The following NECTIN1 variants were observed in gnomAD, a reference collection of about 807,000 sequenced individuals.
NECTIN1 encodes the protein nectin-1.
In NECTIN1, 23 loss-of-function variants were observed where a neutral mutation model predicts 48.0. The observed-to-expected ratio is 0.48, with a 90% confidence interval of 0.34 to 0.68. NECTIN1 has a LOEUF of 0.68. Among genes scored for constraint, NECTIN1 ranks in the 30% least tolerant of loss-of-function variants. The pLI, the probability that NECTIN1 is intolerant of heterozygous loss-of-function variation, is 0.01. For synonymous variants in NECTIN1, 270 were observed against 288.9 expected (o/e 0.93, Z 0.66); for missense variants, 591 against 709.9 (o/e 0.83, Z 1.90).
At chr11:119,640,084 G>T in intron 5 of NECTIN1, 1 of 1,462,224 alleles carries the variant, frequency 6.8e-7, no homozygotes, top group Non-Finnish European at 9.4e-7. Context: ...AGAGATGTGA[G>T]AGAGTCAGAC....
At chr11:119,725,794 G>C (rs1474226783) in intron 1 of NECTIN1, among the ~76,000 whole-genome samples, 1 of 152,162 alleles carries the variant, frequency 6.6e-6, no homozygotes, top group Non-Finnish European at 1.5e-5. Flanking sequence ...TCTCTTTCCA[G>C]ACAAAAGGTG....
At chr11:119,681,972 G>A (rs935524477) in intron 1 of NECTIN1, among the ~76,000 whole-genome samples, 5 of 152,094 alleles carry the variant, frequency 3.3e-5, no homozygotes, top group African/African-American at 1.2e-4. Context: ...TTGGAGCAAG[G>A]GGCTTAGGGT....
intron 4 of NECTIN1, 183 bp downstream of exon 4, chr11:119,676,919 G>A (rs1430927518): frequency 1.5e-6 from 1 of 647,592 alleles, no homozygotes. Flanking sequence ...TGTCACACAT[G>A]GACGTAATGT....
chr11:119,710,163 A>G (rs1184560313), intron 1 of NECTIN1: 1 of 152,262 alleles, frequency 6.6e-6, no homozygotes, highest in Non-Finnish European at 1.5e-5. Flanking sequence ...AGAAGCGCTG[A>G]AACAGAGCCA....
chr11:119,649,378 T>TAAAA, intron 5 of NECTIN1, among the ~76,000 whole-genome samples: 1 of 128,506 alleles, frequency 7.8e-6, no homozygotes, highest in African/African-American at 3.1e-5. Context: ...AGACTCCATC[T>TAAAA]CAAAAAAAAA....
At position 119,665,241 on chromosome 11, in the gene NECTIN1, T is replaced by C; in HGVS notation, c.1060A>G (p.Thr354Ala). ...EHGRRAGPVP[T>A]AIIGGVAGSI... ...CCCGCCACGCCCCCAATGATGGCCGTGGGCACCGGCCCGGCGCGCCGCCCA... is the reference window on the plus strand; with the variant it reads ...CCCGCCACGCCCCCAATGATGGCCGCGGGCACCGGCCCGGCGCGCCGCCCA... The change falls in exon 6 of 6, where the codon ACG becomes GCG. Residue 354 changes from threonine (T) to alanine (A), a missense_variant. Transcript: ENST00000264025. This position sits in a 1 kb window ranked among gnomAD's most constrained non-coding sequence, Gnocchi z 5.1. 1 of 1,600,714 alleles carries C rather than the reference T, an allele frequency of 6.2e-7. No individual in the cohort carries two copies. The highest frequency in any genetic ancestry group is 8.5e-7 in the Non-Finnish European group (1 of 1,178,024).
At position 119,701,507 on chromosome 11, in the gene NECTIN1, C is replaced by T. The variant is rs147385329; in HGVS notation, c.80-22742G>A. On this transcript the variant is annotated intron_variant, in intron 1 of 5. Coordinates refer to ENST00000264025, the MANE Select transcript of NECTIN1 (RefSeq NM_002855.5). Reference sequence around the variant, plus strand: ...CCCTCTCAGCTTGCAGTCCCTAGAACGGGACCACAGACCCCCTTTGAGTGA... The same window carrying T: ...CCCTCTCAGCTTGCAGTCCCTAGAATGGGACCACAGACCCCCTTTGAGTGA... 4.8e-3 allele frequency among the ~76,000 whole-genome samples: 726 copies of T among 152,138 alleles called. 2 individuals carry two copies. The highest frequency in any genetic ancestry group is 0.041 in the Middle Eastern group (12 of 294).
intron 1 of NECTIN1, among the ~76,000 whole-genome samples, chr11:119,715,184 T>C (rs1317338686): frequency 6.6e-6 from 1 of 152,006 alleles, no homozygotes; most frequent in African/African-American, 2.4e-5. Context: ...AGGAAGTGAA[T>C]GGGGTGCTAC....
intron 4 of NECTIN1, among the ~76,000 whole-genome samples, chr11:119,675,906 T>A (rs1289456093): frequency 1.3e-5 from 2 of 151,144 alleles, no homozygotes; most frequent in Non-Finnish European, 2.9e-5. Flanking sequence ...CTCGGGAGGG[T>A]GAGGCAGAAG....
chr11:119,664,954 G>T lies in NECTIN1; in HGVS notation c.1347C>A (p.Gly449=), dbSNP rs116441631. 5.0e-6 allele frequency: 8 copies of T among 1,613,130 alleles called. No individual in the cohort carries two copies. The highest frequency in any genetic ancestry group is 1.6e-4 in the Middle Eastern group (1 of 6,080). Residue 449 remains glycine, a synonymous_variant, in exon 6 of 6, where the codon GGC becomes GGA. Transcript: ENST00000264025. ...EEEEEEGGGG[G]ERKVGGPHPK... is the part of the protein sequence containing the mutation. Reference sequence around the variant, plus strand: ...GGTGGGGGCCGCCCACCTTGCGCTCGCCCCCTCCACCGCCCTCCTCCTCCT... The same window carrying T: ...GGTGGGGGCCGCCCACCTTGCGCTCTCCCCCTCCACCGCCCTCCTCCTCCT...
At chr11:119,706,427 G>T (rs1865549736) in intron 1 of NECTIN1, among the ~76,000 whole-genome samples, 1 of 152,126 alleles carries the variant, frequency 6.6e-6, no homozygotes, top group African/African-American at 2.4e-5. Context: ...CCAGCGCCAG[G>T]AAGGACCCAT....
In NECTIN1 at chr11:119,663,071, G is replaced by A; in HGVS notation, c.*1676C>T. 4.1e-6 allele frequency: 4 copies of A among 985,480 alleles called. No homozygotes were observed. The highest frequency in any genetic ancestry group is 2.3e-4 in the East Asian group (2 of 8,796). The allele number at this position is 985,480 out of a possible 1,614,324, so 61.0% of individuals were successfully genotyped here. A position where few individuals can be genotyped will look rare whatever the true frequency, so the allele number is the denominator to read the frequency against. On this transcript the variant is annotated 3_prime_UTR_variant, in exon 6 of 6. Coordinates refer to ENST00000264025, the MANE Select transcript of NECTIN1 (RefSeq NM_002855.5). ...CCTTAGGAAGCCTATGGCAGGGTGG[G>A]TCAGTGCCCGTGGGGCACAGAGTGG...
rs777826325 is a variant in NECTIN1 at position 119,709,061 on chromosome 11, C to T, written c.79+19414G>A. On this transcript the variant is annotated intron_variant, in intron 1 of 5. Transcript: ENST00000264025. This position sits in a 1 kb window ranked among gnomAD's most constrained non-coding sequence, Gnocchi z 4.1. ...CCTGAGACACTCTACCCCCCACGCC[C>T]GCCCACATAGCCAACATATCGCACA... Among the ~76,000 whole-genome samples, 6 of 151,994 alleles carry T rather than the reference C, an allele frequency of 3.9e-5. No homozygotes were observed. Among genetic ancestry groups the T allele is most frequent in the African/African-American group, 9.7e-5 (4 of 41,360 alleles).
chr11:119,694,027 A>G (rs1211727536), intron 1 of NECTIN1, among the ~76,000 whole-genome samples: 2 of 152,228 alleles, frequency 1.3e-5, no homozygotes, highest in Non-Finnish European at 2.9e-5. Context: ...TAAACAGGAA[A>G]GTCAAAGGGA....
chr11:119,715,801 C>G (rs1865733354), intron 1 of NECTIN1, among the ~76,000 whole-genome samples: 1 of 152,152 alleles, frequency 6.6e-6, no homozygotes, highest in Non-Finnish European at 1.5e-5. Context: ...CCACCATCCA[C>G]CCAGGCCTCA....
At chr11:119,647,284 C>T (rs1166059202) in intron 5 of NECTIN1, among the ~76,000 whole-genome samples, 1 of 143,230 alleles carries the variant, frequency 7.0e-6, no homozygotes. Flanking sequence ...TAGGATGTTC[C>T]CTCTATCTGG....
rs75118147 is a variant in NECTIN1 at position 119,665,518 on chromosome 11, G to A, written c.1004-221C>T. Reference sequence around the variant, plus strand: ...GAGTGAGAGACAGGCAAGAGGAGAGGCAGAGGGCAGTACCCACAGCACCAG... The same window carrying A: ...GAGTGAGAGACAGGCAAGAGGAGAGACAGAGGGCAGTACCCACAGCACCAG... On this transcript the variant is annotated intron_variant, in intron 5 of 5. Transcript: ENST00000264025. The surrounding 1 kb of genome is among the most constrained non-coding windows in gnomAD (Gnocchi z 5.1). Among the ~76,000 whole-genome samples, 2,519 of 152,192 alleles carry A rather than the reference G, an allele frequency of 0.017. 66 individuals are homozygous for A. The highest frequency in any genetic ancestry group is 0.1 in the East Asian group (514 of 5,150).
intron 1 of NECTIN1, among the ~76,000 whole-genome samples, chr11:119,693,723 T>C (rs1278598947): frequency 6.6e-6 from 1 of 152,136 alleles, no homozygotes; most frequent in African/African-American, 2.4e-5. Context: ...ACCTCTAATG[T>C]TGGACGGTGA....
At chr11:119,690,129 G>C (rs1396352727) in intron 1 of NECTIN1, among the ~76,000 whole-genome samples, 3 of 152,148 alleles carry the variant, frequency 2.0e-5, no homozygotes, top group Non-Finnish European at 4.4e-5. Context: ...TCTGTACCTG[G>C]ACTTAGGCGG....
Sources: allele counts gnomAD v4.1 joint callset (sites outside exome capture counted in the v4.1 genomes callset), GRCh38; gene constraint gnomAD v4.1.1; non-coding constraint Gnocchi (gnomAD v3.1); transcripts MANE v1.5; gene names NCBI Gene and HGNC (gene_info 2026-07-23, HGNC 2026-07-21).